The following ZNF638 variants were observed in gnomAD, a reference collection of about 807,000 sequenced individuals.
The protein encoded by ZNF638 is zinc finger protein 638.
ZNF638 carries 46 observed loss-of-function variants against 195.6 expected under a neutral mutation model. The observed-to-expected ratio is 0.24, with a 90% confidence interval of 0.19 to 0.30. ZNF638 has a LOEUF of 0.30. ZNF638 is among the 10% of genes least tolerant of loss of function. The pLI, the probability that ZNF638 is intolerant of heterozygous loss-of-function variation, is 1.00. For synonymous variants in ZNF638, 845 were observed against 772.0 expected, an observed-to-expected ratio of 1.09 and a Z score of -1.57; for missense variants, 2,440 against 2,325.3, an observed-to-expected ratio of 1.05 and a Z score of -1.01.
chr2:71,422,760 T>G, intron 21 of ZNF638, 54 bp from the exon 22 acceptor site: 1 of 1,541,718 alleles, frequency 6.5e-7, no homozygotes, highest in Non-Finnish European at 8.7e-7. Flanking sequence ...CATAGTTTGA[T>G]TTTTGTTTGT....
At position 71,418,649 on chromosome 2, in the gene ZNF638, T is replaced by C; in HGVS notation, c.3299+10T>C. The C allele has an allele frequency of 6.4e-7, 1 of 1,551,542 alleles. No individual in the cohort carries two copies. The highest frequency in any genetic ancestry group is 8.7e-7 in the Non-Finnish European group (1 of 1,147,680). On this transcript the variant is annotated intron_variant, in intron 21 of 27. Transcript: ENST00000264447. ...AATTAGAAAAAGAAAGGTATGTTGC[T>C]TTATGTTTACTAACACTTTTGTATA...
intron 7 of ZNF638, among the ~76,000 whole-genome samples, chr2:71,368,827 G>A (rs532842211): frequency 6.6e-6 from 1 of 152,236 alleles, no homozygotes; most frequent in African/African-American, 2.4e-5. Flanking sequence ...TAAGTAATAT[G>A]TAAATGCGCA....
In ZNF638 at chr2:71,433,204, C is replaced by G. The variant is rs1333263793; in HGVS notation, c.5792C>G (p.Pro1931Arg). ...FLVPKAGFFC[P>R]ICSLFYSGEK... ...GTACCTAAGGCTGGATTCTTCTGTCCAATTTGTTCCCTCTTCTACTCAGGT... is the reference window on the plus strand; with the variant it reads ...GTACCTAAGGCTGGATTCTTCTGTCGAATTTGTTCCCTCTTCTACTCAGGT... Residue 1931 changes from proline (P) to arginine (R), a missense_variant, in exon 27 of 28, where the codon CCA becomes CGA. Pro to Arg is a moderately radical substitution (Grantham distance 103). This residue lies in a region of ZNF638 where 1,883 missense variants were observed against 1,739.1 expected (regional missense o/e 1.08). Coordinates refer to ENST00000264447, the MANE Select transcript of ZNF638 (RefSeq NM_014497.5). 1.2e-6 allele frequency: 2 copies of G among 1,613,876 alleles called. No homozygotes were observed. The highest frequency in any genetic ancestry group is 1.7e-6 in the Non-Finnish European group (2 of 1,179,902).
intron 3 of ZNF638, among the ~76,000 whole-genome samples, chr2:71,356,466 A>G (rs1470185924): frequency 1.3e-5 from 2 of 152,186 alleles, no homozygotes; most frequent in East Asian, 1.9e-4. Flanking sequence ...TGGATTTGAG[A>G]TTATTATTGA....
At chr2:71,332,411 T>A (rs2078588306) in intron 1 of ZNF638, among the ~76,000 whole-genome samples, 1 of 151,844 alleles carries the variant, frequency 6.6e-6, no homozygotes. Context: ...GTGTTTGGGG[T>A]TGGGGAGGGG....
intron 27 of ZNF638, 41 bp from the exon 28 acceptor site, chr2:71,434,701 A>G: frequency 6.4e-7 from 1 of 1,558,288 alleles, no homozygotes; most frequent in Non-Finnish European, 8.8e-7. Flanking sequence ...TAGCAAAATA[A>G]CGTCTAATAA....
At chr2:71,376,483 T>G (rs1003943895) in intron 8 of ZNF638, among the ~76,000 whole-genome samples, 2 of 152,212 alleles carry the variant, frequency 1.3e-5, no homozygotes, top group Admixed American at 1.3e-4. Flanking sequence ...CTTCAAGTTT[T>G]TCTACCAGTG....
At position 71,393,308 on chromosome 2, in the gene ZNF638, A is replaced by C. The variant is rs1278943204; in HGVS notation, c.2378-2833A>C. The C allele has an allele frequency of 6.2e-6, 4 of 640,922 alleles. No individual in the cohort carries two copies. The East Asian group carries it at 1.1e-4, about 18-fold the overall frequency. 39.7% of individuals were successfully genotyped at this position (640,922 alleles called of 1,614,324 possible). On this transcript the variant is annotated intron_variant, in intron 10 of 27. Transcript: ENST00000264447. ...AGACATAAAACCCGCAGTTTTATGGAAAGATGTAAATAGTAACGTATGGTG... is the reference window on the plus strand; with the variant it reads ...AGACATAAAACCCGCAGTTTTATGGCAAGATGTAAATAGTAACGTATGGTG...
intron 8 of ZNF638, among the ~76,000 whole-genome samples, chr2:71,376,828 T>C (rs1481660983): frequency 6.6e-6 from 1 of 152,208 alleles, no homozygotes; most frequent in East Asian, 1.9e-4. Context: ...ATAATAATAA[T>C]TTAATAATAA....
intron 8 of ZNF638, among the ~76,000 whole-genome samples, chr2:71,378,460 G>T (rs2079476280): frequency 6.6e-6 from 1 of 152,178 alleles, no homozygotes. Flanking sequence ...CATGAGAACA[G>T]TTATGATGAA....
At chr2:71,401,495 A>G (rs1388727916) in intron 15 of ZNF638, among the ~76,000 whole-genome samples, 1 of 152,202 alleles carries the variant, frequency 6.6e-6, no homozygotes, top group Non-Finnish European at 1.5e-5. Context: ...CACAAGGCAC[A>G]GGGATGGCGA....
At chr2:71,428,429 C>A (rs919163313) in intron 24 of ZNF638, 118 bp from the exon 25 acceptor site, 1 of 689,988 alleles carries the variant, frequency 1.4e-6, no homozygotes, top group Non-Finnish European at 2.4e-6. Flanking sequence ...GCTTCCCTCC[C>A]AAATTTGGGT....
intron 1 of ZNF638, among the ~76,000 whole-genome samples, chr2:71,335,075 C>G (rs1558823249): frequency 6.6e-6 from 1 of 152,152 alleles, no homozygotes; most frequent in South Asian, 2.1e-4. Flanking sequence ...GTTTTTGAGA[C>G]AGGATCTCAC....
intron 8 of ZNF638, among the ~76,000 whole-genome samples, 193 bp downstream of exon 8, chr2:71,370,198 A>G (rs1023148325): frequency 7.2e-5 from 11 of 152,204 alleles, no homozygotes; most frequent in African/African-American, 2.7e-4. Context: ...AGTATTAAAT[A>G]ACGACGACTA....
intron 24 of ZNF638, among the ~76,000 whole-genome samples, chr2:71,427,759 C>T (rs776001426): frequency 2.6e-5 from 4 of 152,134 alleles, no homozygotes; most frequent in Non-Finnish European, 4.4e-5. Context: ...CATCAGATTA[C>T]CTCCCAGTTT....
intron 3 of ZNF638, among the ~76,000 whole-genome samples, chr2:71,358,761 C>T (rs2079063240): frequency 6.6e-6 from 1 of 152,174 alleles, no homozygotes; most frequent in African/African-American, 2.4e-5. Context: ...CTTCCCTTGT[C>T]TCTACTGGGT....
chr2:71,348,618 G>T, intron 1 of ZNF638, 135 bp from the exon 2 acceptor site: 1 of 1,227,210 alleles, frequency 8.1e-7, no homozygotes, highest in Non-Finnish European at 1.0e-6. Context: ...ATCTTCGTAA[G>T]CCCTTACTCT....
chr2:71,360,667 C>T (rs2542505), intron 3 of ZNF638, among the ~76,000 whole-genome samples: 136,910 of 152,182 alleles, frequency 0.9, 61,675 homozygotes, highest in Admixed American at 0.92. Flanking sequence ...TGTCCCACTT[C>T]CTATAGTTTT....
At chr2:71,391,196 T>C (rs564983531) in intron 10 of ZNF638, among the ~76,000 whole-genome samples, 3 of 152,224 alleles carry the variant, frequency 2.0e-5, no homozygotes, top group Non-Finnish European at 4.4e-5. Flanking sequence ...CAGTGGCAGT[T>C]TGCAACCTAT....
Sources: allele counts gnomAD v4.1 joint callset (sites outside exome capture counted in the v4.1 genomes callset), GRCh38; gene constraint gnomAD v4.1.1; regional missense constraint gnomAD v4.1.1; transcripts MANE v1.5; gene names NCBI Gene and HGNC (gene_info 2026-07-23, HGNC 2026-07-21).